HHIPL1: variants seen among roughly 807,000 people sequenced by gnomAD.
The protein encoded by HHIPL1 is HHIP like 1.
In HHIPL1, 43 loss-of-function variants were observed where a neutral mutation model predicts 61.8. The observed-to-expected ratio is 0.70, with a 90% CI of 0.55 to 0.90. The LOEUF (loss-of-function observed/expected upper bound fraction) is 0.90. HHIPL1 is among the 40% of genes least tolerant of loss of function. HHIPL1 has a pLI of 0.00. For missense variants in HHIPL1, 1,056 were observed against 1,157.7 expected, an observed-to-expected ratio of 0.91 and a Z score of 1.28; for synonymous variants, 482 against 515.8, an observed-to-expected ratio of 0.93 and a Z score of 0.89.
chr14:99,605,490 C>T, the HHIPL1 span, among the ~76,000 whole-genome samples: 39 of 152,292 alleles, frequency 2.6e-4, no homozygotes, highest in Non-Finnish European at 5.0e-4. Flanking sequence ...CAGCTGATGC[C>T]CCATTTACAG....
chr14:99,657,556 G>A (rs1030362616), intron 3 of HHIPL1, among the ~76,000 whole-genome samples: 1 of 152,156 alleles, frequency 6.6e-6, no homozygotes. Flanking sequence ...GGCTGGAGCA[G>A]GGTGGCAACA....
At chr14:99,659,136 A>T (rs1405090202) in intron 3 of HHIPL1, among the ~76,000 whole-genome samples, 3 of 152,204 alleles carry the variant, frequency 2.0e-5, no homozygotes, top group Non-Finnish European at 4.4e-5. Context: ...ACTAGGACAC[A>T]CCTACCTAAA....
rs370679954 is a variant in HHIPL1 at position 99,656,788 on chromosome 14, A to AAG, written c.903-211_903-210insGA. The stretch of plus-strand genomic sequence containing the variant: ...ACACTCTGTCTGCAAAAAGAAAAGA[A>AAG]AAGAAAGAAAGAAAGAAAGAAAGAA... On this transcript the variant is annotated intron_variant, in intron 2 of 8. Transcript: ENST00000330710. Among the ~76,000 whole-genome samples, 15 of 1,952 alleles carry AAG rather than the reference A, an allele frequency of 7.7e-3. 5 individuals are homozygous for AAG. Among genetic ancestry groups the AAG allele is most frequent in the Non-Finnish European group, 0.023 (2 of 86 alleles). 1.3% of individuals were successfully genotyped at this position (1,952 alleles called of 152,430 possible).
chr14:99,622,500 A>G, the HHIPL1 span, among the ~76,000 whole-genome samples: 3 of 152,220 alleles, frequency 2.0e-5, no homozygotes, highest in Non-Finnish European at 4.4e-5. Flanking sequence ...TCTCTCTGGC[A>G]CCGACGCCCT....
chr14:99,637,470 G>T, the HHIPL1 span, among the ~76,000 whole-genome samples: 2 of 149,660 alleles, frequency 1.3e-5, no homozygotes, highest in Non-Finnish European at 3.0e-5. Context: ...TACTTGGGAG[G>T]CTGAGGCAGG....
At chr14:99,645,497 C>T (rs1371772821) in intron 1 of HHIPL1, 35 bp downstream of exon 1, 4 of 1,258,602 alleles carry the variant, frequency 3.2e-6, no homozygotes, top group Non-Finnish European at 4.0e-6. Context: ...CGGGGCGGGG[C>T]GCGGGAGGCC....
chr14:99,622,991 C>A, the HHIPL1 span, among the ~76,000 whole-genome samples: 1 of 152,248 alleles, frequency 6.6e-6, no homozygotes, highest in Non-Finnish European at 1.5e-5. Flanking sequence ...GAACAAGACC[C>A]ATGTGCTATG....
chr14:99,635,952 G>T, the HHIPL1 span, among the ~76,000 whole-genome samples: 10 of 152,148 alleles, frequency 6.6e-5, no homozygotes, highest in African/African-American at 2.4e-4. Context: ...AGAGGGTCTC[G>T]GCCAGAGCAC....
the HHIPL1 span, among the ~76,000 whole-genome samples, chr14:99,639,891 A>C: frequency 6.6e-6 from 1 of 151,212 alleles, no homozygotes; most frequent in Non-Finnish European, 1.5e-5. Flanking sequence ...CGAACTCCTG[A>C]CCTCGTGATC....
the HHIPL1 span, among the ~76,000 whole-genome samples, chr14:99,615,573 TAAAAG>T: frequency 2.4e-5 from 3 of 127,312 alleles, no homozygotes; most frequent in South Asian, 2.4e-4. Flanking sequence ...GGAAGGCAGT[TAAAAG>T]AAAAGAAGAA....
At chr14:99,646,831 T>C (rs1156267367) in intron 1 of HHIPL1, among the ~76,000 whole-genome samples, 2 of 62,996 alleles carry the variant, frequency 3.2e-5, no homozygotes, top group African/African-American at 1.1e-4. Flanking sequence ...TGATATGATA[T>C]GATATAATAT....
At chr14:99,615,695 GAGAAAGAA>G in the HHIPL1 span, among the ~76,000 whole-genome samples, 3 of 149,178 alleles carry the variant, frequency 2.0e-5, no homozygotes, top group South Asian at 2.1e-4. Context: ...AAGAAAGAAA[GAGAAAGAA>G]AGAAAGAAGG....
At chr14:99,669,843 C>A (rs2056306457) in intron 7 of HHIPL1, among the ~76,000 whole-genome samples, 2 of 152,130 alleles carry the variant, frequency 1.3e-5, no homozygotes, top group African/African-American at 4.8e-5. Flanking sequence ...GAGGATCACT[C>A]GAACTCAGGA....
At chr14:99,633,211 G>A in the HHIPL1 span, among the ~76,000 whole-genome samples, 1 of 152,170 alleles carries the variant, frequency 6.6e-6, no homozygotes, top group Admixed American at 6.5e-5. Context: ...TCCTGACAGA[G>A]CCACCCCAGG....
intron 1 of HHIPL1, among the ~76,000 whole-genome samples, chr14:99,648,281 A>G (rs1450367832): frequency 1.3e-5 from 2 of 152,210 alleles, no homozygotes; most frequent in Non-Finnish European, 2.9e-5. Context: ...ACAAACACAT[A>G]CATCTTCTCC....
chr14:99,626,097 G>T, the HHIPL1 span, among the ~76,000 whole-genome samples: 2 of 152,056 alleles, frequency 1.3e-5, no homozygotes, highest in Non-Finnish European at 2.9e-5. Flanking sequence ...ACCGAGAGAT[G>T]ACTGTAGACT....
intron 7 of HHIPL1, among the ~76,000 whole-genome samples, chr14:99,670,757 G>A (rs1235521513): frequency 6.6e-6 from 1 of 151,974 alleles, no homozygotes; most frequent in Non-Finnish European, 1.5e-5. Context: ...TGCCCATTTT[G>A]TCTAAACGTT....
In HHIPL1 at chr14:99,668,506, G is replaced by T. The variant is rs558275581; in HGVS notation, c.1730+203G>T. Among the ~76,000 whole-genome samples the T allele has an allele frequency of 3.3e-5, 5 of 152,234 alleles. No individual in the cohort carries two copies. Among genetic ancestry groups the T allele is most frequent in the Admixed American group, 3.3e-4 (5 of 15,300 alleles). ...CCAGGATTCAGACCCGGGTCTGCAC[G>T]CCTCAAAGCACAGGTCTATTAGGAT... On this transcript the variant is annotated intron_variant, in intron 7 of 8. Transcript: ENST00000330710. The surrounding 1 kb of genome is among the most constrained non-coding windows in gnomAD (Gnocchi z 4.7).
intron 1 of HHIPL1, among the ~76,000 whole-genome samples, chr14:99,647,281 G>A (rs1044360396): frequency 7.9e-5 from 12 of 152,322 alleles, no homozygotes; most frequent in African/African-American, 2.4e-4. Context: ...TCAAGGGCAC[G>A]GGAATGGTCT....
Sources: gnomAD v4.1 joint callset for allele counts (sites outside exome capture counted in the v4.1 genomes callset) on GRCh38, gnomAD v4.1.1 for gene constraint, Gnocchi (gnomAD v3.1) non-coding constraint, MANE v1.5 for transcripts, NCBI Gene and HGNC (gene_info 2026-07-23, HGNC 2026-07-21) for gene names.